Variants in KIF21B observed in about 807,000 individuals in gnomAD.
The protein encoded by KIF21B is kinesin-like protein KIF21B.
In KIF21B, 85 loss-of-function variants were observed where a neutral mutation model predicts 192.9. The ratio of observed to expected loss-of-function variants is 0.44; its 90% CI spans 0.37 to 0.53. The LOEUF (loss-of-function observed/expected upper bound fraction) is 0.53, where lower values mean the gene tolerates loss of function less well. Among genes scored for constraint, KIF21B ranks in the 20% least tolerant of loss-of-function variants. KIF21B has a pLI of 0.00. For synonymous variants in KIF21B, 832 were observed against 884.6 expected (o/e 0.94, Z 1.05); for missense variants, 1,716 against 2,194.8 (o/e 0.78, Z 4.36).
intron 15 of KIF21B, among the ~76,000 whole-genome samples, chr1:200,993,676 G>C (rs1473269527): frequency 2.0e-5 from 3 of 151,936 alleles, no homozygotes; most frequent in African/African-American, 7.3e-5. Context: ...CTTAAGCCCA[G>C]GAGGTTGAGG....
At chr1:200,987,544 C>G (rs113201352) in intron 24 of KIF21B, among the ~76,000 whole-genome samples, 1 of 152,172 alleles carries the variant, frequency 6.6e-6, no homozygotes. Context: ...ACACCCAGCC[C>G]GCCCGGAAAT....
rs1158062077 is a variant in KIF21B at position 201,009,288 on chromosome 1, G to C, written c.242C>G (p.Ala81Gly). The change falls in exon 2 of 35, where the codon GCC becomes GGC. Residue 81 changes from alanine to glycine, a missense_variant. Physicochemically the swap from Ala to Gly is moderately conservative, Grantham distance 60. Around this residue, in one of 3 missense-constraint regions of KIF21B, gnomAD observed 1,087 missense variants for 1,316.6 expected, o/e 0.83. Transcript: ENST00000461742. ...TACCTGCCCATAGGCCAGCACCGTG[G>C]CATTATAGCCCTCGAAGCAGCCCTC... Reference protein sequence around the residue: ...LIEGCFEGYNATVLAYGQTGA... With the variant: ...LIEGCFEGYNGTVLAYGQTGA... 1 of 1,614,222 alleles carries C rather than the reference G, an allele frequency of 6.2e-7. No homozygotes were observed. The highest frequency in any genetic ancestry group is 8.5e-7 in the Non-Finnish European group (1 of 1,180,032).
intron 9 of KIF21B, chr1:201,001,940 A>G: frequency 1.7e-6 from 1 of 582,152 alleles, no homozygotes; most frequent in South Asian, 2.0e-5. Context: ...CTTTCACTTC[A>G]TATAGTGATG....
intron 22 of KIF21B, 61 bp downstream of exon 22, chr1:200,988,705 C>T: frequency 6.4e-7 from 1 of 1,561,608 alleles, no homozygotes; most frequent in South Asian, 1.2e-5. Context: ...TTGTGGGGGT[C>T]TGAGCCCAAG....
intron 34 of KIF21B, 53 bp from the exon 35 acceptor site, chr1:200,973,631 G>C (rs1655343343): frequency 1.3e-6 from 2 of 1,521,148 alleles, no homozygotes; most frequent in South Asian, 2.4e-5. Flanking sequence ...CAGTGGGCTT[G>C]GCTGGCTGCC....
rs1365097417 is a variant in KIF21B at position 201,000,728 on chromosome 1, G to A, written c.1455C>T (p.Ile485=). The change falls in exon 10 of 35, where the codon ATC becomes ATT. Residue 485 remains isoleucine (I), a synonymous_variant. Coordinates refer to ENST00000461742, the MANE Select transcript of KIF21B (RefSeq NM_001252102.2). This position sits in a 1 kb window ranked among gnomAD's most constrained non-coding sequence, Gnocchi z 6.0. ...GCTCACTCACTCACCGTAGCTCCTC[G>A]ATCTCCCGGATGTAGTTCTGGATCA... is the stretch of plus-strand genomic sequence containing the variant. ...GALIQNYIRE[I]EELRTKLLES... The A allele has an allele frequency of 3.7e-6, 6 of 1,614,210 alleles. No homozygotes were observed. The highest frequency in any genetic ancestry group is 4.2e-6 in the Non-Finnish European group (5 of 1,180,030).
At chr1:201,014,038 G>T (rs927938422) in intron 1 of KIF21B, among the ~76,000 whole-genome samples, 12 of 152,248 alleles carry the variant, frequency 7.9e-5, no homozygotes, top group Admixed American at 5.9e-4. Context: ...ACAGAGCCGG[G>T]CCTATTTGCC....
chr1:200,969,757 A>T lies in KIF21B; in HGVS notation c.*3764T>A, dbSNP rs567900545. The T allele has an allele frequency of 6.6e-6, 1 of 152,514 alleles. No homozygotes were observed. The highest frequency in any genetic ancestry group is 1.9e-4 in the East Asian group (1 of 5,308). 9.4% of individuals were successfully genotyped at this position (152,514 alleles called of 1,614,324 possible). On this transcript the variant is annotated 3_prime_UTR_variant, in exon 35 of 35. Transcript: ENST00000461742. ...ACTAGAGTGTGATAGGGGCTTCAAG[A>T]TCATGAGTGCTGGGGATGGGGCAGG... is the stretch of plus-strand genomic sequence containing the variant.
intron 1 of KIF21B, among the ~76,000 whole-genome samples, chr1:201,016,653 T>C (rs1172845277): frequency 6.6e-6 from 1 of 152,156 alleles, no homozygotes; most frequent in Non-Finnish European, 1.5e-5. Context: ...TTGGGGTGCT[T>C]GCCCTTTTAG....
intron 34 of KIF21B, chr1:200,973,820 G>A (rs945130899): frequency 2.1e-6 from 3 of 1,430,422 alleles, no homozygotes; most frequent in African/African-American, 2.9e-5. Context: ...TTTTGGGGGG[G>A]TGTTTCGTTT....
intron 1 of KIF21B, among the ~76,000 whole-genome samples, chr1:201,015,772 C>G (rs752066164): frequency 6.6e-6 from 1 of 152,128 alleles, no homozygotes; most frequent in Non-Finnish European, 1.5e-5. Flanking sequence ...AGTGAGAGGG[C>G]AAGATCAAAA....
chr1:201,013,172 C>T (rs531635996), intron 1 of KIF21B, among the ~76,000 whole-genome samples: 1 of 152,308 alleles, frequency 6.6e-6, no homozygotes, highest in East Asian at 1.9e-4. Flanking sequence ...CAAACTGACG[C>T]CCCACAGGTA....
chr1:200,981,050 G>T lies in KIF21B; in HGVS notation c.3889C>A (p.Pro1297Thr). 1 of 1,609,436 alleles carries T rather than the reference G, an allele frequency of 6.2e-7. No homozygotes were observed. The highest frequency in any genetic ancestry group is 8.5e-7 in the Non-Finnish European group (1 of 1,178,282). ...VGGAKGARTA[P>T]LQCVSMAEGH... ...TCGGCCATGGAGACACACTGCAGTGGGGCCGTCCGTGCACCCTTGGCTCCT... is the reference window on the plus strand; with the variant it reads ...TCGGCCATGGAGACACACTGCAGTGTGGCCGTCCGTGCACCCTTGGCTCCT... Residue 1297 changes from proline (P) to threonine (T), a missense_variant, in exon 29 of 35, where the codon CCA (proline) becomes ACA (threonine). By Grantham distance (38) the Pro-to-Thr change is conservative (BLOSUM62 -1). Around this residue, in one of 3 missense-constraint regions of KIF21B, gnomAD observed 580 missense variants for 775.5 expected, o/e 0.75. Transcript: ENST00000461742.
Position 201,000,325 on chromosome 1 carries a change from G to C in KIF21B, c.1685+65C>G. ...CACTGGTGGGCAGCAGTCCTCCTTG[G>C]GGACGGGCAGGGTCCACTGGGGCGG... is the stretch of plus-strand genomic sequence containing the variant. On this transcript the variant is annotated intron_variant, in intron 11 of 34. Coordinates refer to ENST00000461742, the MANE Select transcript of KIF21B (RefSeq NM_001252102.2). This position sits in a 1 kb window ranked among gnomAD's most constrained non-coding sequence, Gnocchi z 6.0. The C allele has an allele frequency of 6.9e-7, 1 of 1,450,430 alleles. No individual in the cohort carries two copies. Among genetic ancestry groups the C allele is most frequent in the South Asian group, 1.3e-5 (1 of 74,250 alleles). 89.8% of individuals were successfully genotyped at this position (1,450,430 alleles called of 1,614,324 possible). A position where few individuals can be genotyped will look rare whatever the true frequency, so the allele number is the denominator to read the frequency against.
At position 201,023,299 on chromosome 1, in the gene KIF21B, C is replaced by T. The variant is rs1358537036; in HGVS notation, c.41+44G>A. 17 of 1,503,958 alleles carry T rather than the reference C, an allele frequency of 1.1e-5. No individual in the cohort carries two copies. In the East Asian group the frequency reaches 4.6e-4, roughly 40 times the overall value. 93.2% of individuals were successfully genotyped at this position (1,503,958 alleles called of 1,614,324 possible). ...GCCCAAAGCCCACGCGAGACAAAGC[C>T]CGAGGCTTCTCCGCGCGCCCCCTTC... On this transcript the variant is annotated intron_variant, in intron 1 of 34. Transcript: ENST00000461742. The surrounding 1 kb of genome is among the most constrained non-coding windows in gnomAD (Gnocchi z 5.9).
intron 7 of KIF21B, 140 bp from the exon 8 acceptor site, chr1:201,003,921 CT>C: frequency 1.2e-6 from 1 of 851,288 alleles, no homozygotes. Flanking sequence ...AGGACAGAAC[CT>C]GGGATGTGGG....
chr1:200,984,721 G>T (rs1000248196), intron 27 of KIF21B, 138 bp downstream of exon 27: 11 of 561,010 alleles, frequency 2.0e-5, no homozygotes, highest in African/African-American at 1.8e-4. Flanking sequence ...AGGGCATCAG[G>T]GCCTCAGCTC....
intron 1 of KIF21B, among the ~76,000 whole-genome samples, chr1:201,020,808 TACACACACAC>T (rs60686711): frequency 1.4e-5 from 2 of 142,816 alleles, no homozygotes; most frequent in East Asian, 2.1e-4. Flanking sequence ...CTCTCTCCTC[TACACACACAC>T]ACACACACAC....
At chr1:200,989,044 C>T in intron 21 of KIF21B, 113 bp from the exon 22 acceptor site, 1 of 1,108,214 alleles carries the variant, frequency 9.0e-7, no homozygotes, top group Non-Finnish European at 1.3e-6. Context: ...CAGCTCCCAA[C>T]ATCACCCTTG....
Sources: allele counts gnomAD v4.1 joint callset (sites outside exome capture counted in the v4.1 genomes callset), GRCh38; gene constraint gnomAD v4.1.1; regional missense constraint gnomAD v4.1.1; non-coding constraint Gnocchi (gnomAD v3.1); transcripts MANE v1.5; gene names NCBI Gene and HGNC (gene_info 2026-07-23, HGNC 2026-07-21).